The following CCSER1 variants were observed in gnomAD, a reference collection of about 807,000 sequenced individuals.
CCSER1 encodes the protein coiled-coil serine rich protein 1.
In CCSER1, 41 loss-of-function variants were observed where a neutral mutation model predicts 82.0. The ratio of observed to expected loss-of-function variants is 0.50; its 90% confidence interval spans 0.39 to 0.65. CCSER1 has a LOEUF of 0.65. CCSER1 is among the 30% of genes least tolerant of loss of function. The pLI is 0.00. For synonymous variants in CCSER1, 414 were observed against 383.9 expected (o/e 1.08, Z -0.92); for missense variants, 1,119 against 1,064.2 (o/e 1.05, Z -0.72).
intron 10 of CCSER1, among the ~76,000 whole-genome samples, chr4:91,512,954 T>C (rs1273402269): frequency 6.6e-6 from 1 of 151,820 alleles, no homozygotes; most frequent in Non-Finnish European, 1.5e-5. Flanking sequence ...ATACCTTTTA[T>C]TTTTTTTATC....
intron 4 of CCSER1, among the ~76,000 whole-genome samples, chr4:90,432,820 T>C (rs1192070107): frequency 6.6e-6 from 1 of 152,136 alleles, no homozygotes; most frequent in Non-Finnish European, 1.5e-5. Context: ...ACATTCAGCA[T>C]TGAGTAAATA....
rs1170012124 is a variant in CCSER1 at position 91,296,449 on chromosome 4, TTATATATATATATATATGTATATATA to T, written c.2217+210467_2217+210492del. 2.1e-4 allele frequency among the ~76,000 whole-genome samples: 20 copies of T among 94,116 alleles called. 1 individual carries two copies. The highest frequency in any genetic ancestry group is 1.0e-3 in the African/African-American group (18 of 17,992). 61.7% of individuals were successfully genotyped at this position (94,116 alleles called of 152,430 possible). ...CTGGTGTAAACAGAAGTGTCTAACA[TTATATATATATATATATGTATATATA>T]TATATATATATTTTAATTAAATATA... is the stretch of plus-strand genomic sequence containing the variant. On this transcript the variant is annotated intron_variant, in intron 10 of 10. Transcript: ENST00000509176.
intron 9 of CCSER1, among the ~76,000 whole-genome samples, chr4:91,054,342 A>C (rs1303748026): frequency 1.3e-5 from 2 of 152,172 alleles, no homozygotes; most frequent in African/African-American, 2.4e-5. Flanking sequence ...TTGTTAAATC[A>C]ACATCTTTTC....
chr4:91,327,598 C>T (rs1746661406), intron 10 of CCSER1, among the ~76,000 whole-genome samples: 1 of 152,200 alleles, frequency 6.6e-6, no homozygotes, highest in Non-Finnish European at 1.5e-5. Context: ...ACATTTGACT[C>T]CTCTTTTCTT....
intron 10 of CCSER1, among the ~76,000 whole-genome samples, chr4:91,524,882 G>T (rs1346758392): frequency 6.6e-6 from 1 of 152,140 alleles, no homozygotes; most frequent in Non-Finnish European, 1.5e-5. Flanking sequence ...ATAGGACATA[G>T]TATTTCCAGG....
chr4:91,271,664 C>CAT (rs1383894376), intron 10 of CCSER1, among the ~76,000 whole-genome samples: 35 of 151,974 alleles, frequency 2.3e-4, no homozygotes, highest in South Asian at 4.2e-4. Context: ...TATATACACA[C>CAT]ATATATATAT....
intron 10 of CCSER1, among the ~76,000 whole-genome samples, chr4:91,500,074 A>G (rs1759126111): frequency 6.6e-6 from 1 of 152,028 alleles, no homozygotes; most frequent in Non-Finnish European, 1.5e-5. Flanking sequence ...TGGCAGTGCC[A>G]TTTTGTATTT....
chr4:91,094,817 G>C (rs1345843931), intron 10 of CCSER1, among the ~76,000 whole-genome samples: 1 of 152,110 alleles, frequency 6.6e-6, no homozygotes, highest in Non-Finnish European at 1.5e-5. Context: ...TCAGGGGACT[G>C]TAAGGGCCAT....
intron 8 of CCSER1, among the ~76,000 whole-genome samples, chr4:90,889,563 A>AT (rs1045452126): frequency 3.9e-5 from 6 of 152,124 alleles, no homozygotes; most frequent in South Asian, 4.2e-4. Flanking sequence ...GCTAGAGCAA[A>AT]TTTTTTTTAA....
chr4:90,478,731 C>CG (rs1257506832), intron 5 of CCSER1, among the ~76,000 whole-genome samples: 9 of 133,252 alleles, frequency 6.8e-5, no homozygotes, highest in Non-Finnish European at 1.1e-4. Context: ...TTCTTTCTTT[C>CG]TTTTTTTTTT....
chr4:91,105,882 G>GA (rs1358247332), intron 10 of CCSER1, among the ~76,000 whole-genome samples: 14 of 149,700 alleles, frequency 9.4e-5, no homozygotes, highest in Non-Finnish European at 4.5e-5. Flanking sequence ...TACGGTTTTT[G>GA]TTTTTTTTTC....
intron 8 of CCSER1, among the ~76,000 whole-genome samples, chr4:90,850,440 G>A (rs1201219854): frequency 6.6e-6 from 1 of 152,210 alleles, no homozygotes; most frequent in Non-Finnish European, 1.5e-5. Flanking sequence ...AAACCAGCTG[G>A]GAGCTGGCCT....
At chr4:91,571,014 G>A (rs1763150650) in intron 10 of CCSER1, among the ~76,000 whole-genome samples, 2 of 152,034 alleles carry the variant, frequency 1.3e-5, no homozygotes, top group African/African-American at 4.8e-5. Context: ...TCTAGGGCAG[G>A]GGCAAAATTC....
intron 1 of CCSER1, among the ~76,000 whole-genome samples, chr4:90,233,489 G>T (rs891097602): frequency 6.6e-6 from 1 of 152,072 alleles, no homozygotes; most frequent in African/African-American, 2.4e-5. Flanking sequence ...GGGGAAAGTG[G>T]GGAGGGATAG....
chr4:90,910,212 G>A (rs1368766964), intron 8 of CCSER1, among the ~76,000 whole-genome samples: 2 of 152,192 alleles, frequency 1.3e-5, no homozygotes, highest in African/African-American at 4.8e-5. Flanking sequence ...CTGCCTCCAT[G>A]ATTTAATCAT....
intron 10 of CCSER1, among the ~76,000 whole-genome samples, chr4:91,134,019 A>G (rs902482704): frequency 5.9e-5 from 9 of 152,158 alleles, no homozygotes; most frequent in Non-Finnish European, 1.3e-4. Flanking sequence ...GAATTGCTTG[A>G]ACCCGGGAGG....
chr4:91,176,069 G>A (rs1281144218), intron 10 of CCSER1, among the ~76,000 whole-genome samples: 1 of 152,098 alleles, frequency 6.6e-6, no homozygotes, highest in Non-Finnish European at 1.5e-5. Flanking sequence ...AGCACCATTT[G>A]TTTAGATAGG....
chr4:90,348,837 G>A (rs993985191), intron 3 of CCSER1, among the ~76,000 whole-genome samples: 2 of 152,088 alleles, frequency 1.3e-5, no homozygotes, highest in Non-Finnish European at 2.9e-5. Flanking sequence ...CCTAAGCAAC[G>A]GTCTTAAACG....
At chr4:90,208,693 A>G (rs1488186221) in intron 1 of CCSER1, among the ~76,000 whole-genome samples, 1 of 152,028 alleles carries the variant, frequency 6.6e-6, no homozygotes, top group African/African-American at 2.4e-5. Flanking sequence ...AAAGCATAGT[A>G]TCTGGGCCAG....
Sources: gnomAD v4.1 joint callset for allele counts (sites outside exome capture counted in the v4.1 genomes callset) on GRCh38, gnomAD v4.1.1 for gene constraint, MANE v1.5 for transcripts, NCBI Gene and HGNC (gene_info 2026-07-23, HGNC 2026-07-21) for gene names.